Variants in EDRF1 observed in about 807,000 individuals in gnomAD.
EDRF1 encodes the protein erythroid differentiation regulatory factor 1.
Under a neutral mutation model 148.7 loss-of-function variants are expected in EDRF1, and 69 were observed. The ratio of observed to expected loss-of-function variants is 0.46; its 90% CI spans 0.38 to 0.57. The LOEUF is 0.57. Ranked by LOEUF, EDRF1 falls within the 20% of genes least tolerant of loss-of-function variation. The pLI is 0.00. For synonymous variants in EDRF1, 515 were observed against 532.8 expected (o/e 0.97, Z 0.46); for missense variants, 1,118 against 1,478.7 (o/e 0.76, Z 4.00).
At chr10:125,722,325 G>T (rs1460879290) in intron 2 of EDRF1, among the ~76,000 whole-genome samples, 1 of 152,164 alleles carries the variant, frequency 6.6e-6, no homozygotes, top group Non-Finnish European at 1.5e-5. Flanking sequence ...ACAACTCTTT[G>T]AGATAGGCAC....
intron 9 of EDRF1, among the ~76,000 whole-genome samples, chr10:125,732,430 C>G (rs1252584911): frequency 3.3e-5 from 5 of 152,138 alleles, no homozygotes; most frequent in African/African-American, 9.7e-5. Context: ...ATAAAAATGT[C>G]TAGTGAGCAT....
chr10:125,738,922 G>A (rs139742760), intron 15 of EDRF1, among the ~76,000 whole-genome samples: 22 of 152,324 alleles, frequency 1.4e-4, no homozygotes, highest in African/African-American at 4.8e-4. Context: ...AAGCACTATA[G>A]AAGTGTAGGC....
At chr10:125,720,627 A>G (rs1014433952) in intron 1 of EDRF1, among the ~76,000 whole-genome samples, 3 of 152,132 alleles carry the variant, frequency 2.0e-5, no homozygotes, top group Non-Finnish European at 2.9e-5. Context: ...CCTGGCCAAC[A>G]TGGCAAAACC....
In EDRF1 at chr10:125,743,171, A is replaced by G; in HGVS notation, c.2485A>G (p.Asn829Asp). ...ILQFSDLKSQ[N>D]PEHYVQVLKR... The stretch of plus-strand genomic sequence containing the variant: ...GCAGTTTAGTGACTTGAAAAGCCAA[A>G]ATCCAGAACACTATGTACAAGTATT... The change falls in exon 18 of 25, where the codon AAT (asparagine) becomes GAT (aspartate). Residue 829 changes from asparagine to aspartate, a missense_variant. Coordinates refer to ENST00000356792, the MANE Select transcript of EDRF1 (RefSeq NM_001202438.2). The G allele has an allele frequency of 6.2e-7, 1 of 1,613,962 alleles. No homozygotes were observed. Among genetic ancestry groups the G allele is most frequent in the Non-Finnish European group, 8.5e-7 (1 of 1,179,926 alleles).
rs1848130340 is a variant in EDRF1 at position 125,723,910 on chromosome 10, C to G, written c.484C>G (p.Gln162Glu). 2 of 1,613,390 alleles carry G rather than the reference C, an allele frequency of 1.2e-6. No homozygotes were observed. Among genetic ancestry groups the G allele is most frequent in the African/African-American group, 2.7e-5 (2 of 74,840 alleles). The change falls in exon 4 of 25, where the codon CAA (glutamine) becomes GAA (glutamate). Residue 162 changes from glutamine (Q) to glutamate (E), a missense_variant. Coordinates refer to ENST00000356792, the MANE Select transcript of EDRF1 (RefSeq NM_001202438.2). ...TCTCTTACTAGATGAGCTAGATATT[C>G]AAGAACTCTTTATGAGATCGTCTCA... is the stretch of plus-strand genomic sequence containing the variant. ...RTLLLDELDI[Q>E]ELFMRSSQTG...
At chr10:125,733,922 A>G in intron 11 of EDRF1, 150 bp from the exon 12 acceptor site, 1 of 867,620 alleles carries the variant, frequency 1.2e-6, no homozygotes, top group Non-Finnish European at 1.9e-6. Context: ...CATAGTATAA[A>G]CGTTTTGGGG....
intron 9 of EDRF1, among the ~76,000 whole-genome samples, chr10:125,730,834 C>T (rs191583857): frequency 2.1e-3 from 320 of 152,286 alleles, no homozygotes; most frequent in African/African-American, 7.0e-3. Context: ...TTAGAAGACA[C>T]GTATCCCCAT....
Position 125,734,174 on chromosome 10 carries a change from G to A in EDRF1, c.1488G>A (p.Arg496=). The change falls in exon 12 of 25, where the codon AGG becomes AGA. Residue 496 remains arginine, a synonymous_variant. Transcript: ENST00000356792. ...LNCLKLLDKS[R]HPQIIASANY... ...GTCTGAAATTACTGGACAAAAGTAGGCATCCTCAAGTAAGATTAACATTTA... is the reference window on the plus strand; with the variant it reads ...GTCTGAAATTACTGGACAAAAGTAGACATCCTCAAGTAAGATTAACATTTA... 6.2e-7 allele frequency: 1 copy of A among 1,603,028 alleles called. No homozygotes were observed. The highest frequency in any genetic ancestry group is 8.5e-7 in the Non-Finnish European group (1 of 1,170,112).
chr10:125,751,404 G>GTTTTTTTTTTTTTTTTT (rs60964364), intron 22 of EDRF1, among the ~76,000 whole-genome samples: 5 of 140,698 alleles, frequency 3.6e-5, no homozygotes, highest in Non-Finnish European at 4.6e-5. Context: ...TTTACCCAGT[G>GTTTTTTTTTTTTTTTTT]TTTTTTTTTT....
intron 1 of EDRF1, 25 bp from the exon 2 acceptor site, chr10:125,721,179 A>G (rs982088814): frequency 6.2e-7 from 1 of 1,611,238 alleles, no homozygotes; most frequent in Non-Finnish European, 8.5e-7. Flanking sequence ...ATTTTCATTA[A>G]AGTTTCACCC....
intron 4 of EDRF1, 59 bp from the exon 5 acceptor site, chr10:125,725,259 A>C (rs999715618): frequency 3.1e-6 from 5 of 1,601,102 alleles, no homozygotes; most frequent in Non-Finnish European, 4.3e-6. Flanking sequence ...AGCTAGTACT[A>C]GGTAACATTG....
chr10:125,735,710 A>C lies in EDRF1; in HGVS notation c.1564A>C (p.Asn522His), dbSNP rs1395199056. The change falls in exon 13 of 25, where the codon AAT (asparagine) becomes CAT (histidine). Residue 522 changes from asparagine (N) to histidine (H), a missense_variant. Physicochemically the swap from Asn to His is moderately conservative, Grantham distance 68. This residue lies in a region of EDRF1 where 954 missense variants were observed against 1,241.4 expected (regional missense o/e 0.77). Transcript: ENST00000356792. ...FQLDEPKKEENSESPLNENSD... is the reference protein window; with the variant it reads ...FQLDEPKKEEHSESPLNENSD... ...ATTGGATGAACCTAAAAAGGAAGAA[A>C]ATTCAGAATCTCCTTTAAATGAGAA... The C allele has an allele frequency of 6.2e-7, 1 of 1,613,618 alleles. No individual in the cohort carries two copies. The highest frequency in any genetic ancestry group is 1.1e-5 in the South Asian group (1 of 91,064).
chr10:125,750,649 G>A (rs191361309), intron 22 of EDRF1, among the ~76,000 whole-genome samples: 25 of 152,354 alleles, frequency 1.6e-4, no homozygotes, highest in Admixed American at 1.4e-3. Context: ...TCCCTTTGGG[G>A]AGGAAACCTG....
chr10:125,728,073 G>A (rs995603738), intron 6 of EDRF1, among the ~76,000 whole-genome samples: 7 of 151,636 alleles, frequency 4.6e-5, no homozygotes, highest in Admixed American at 3.3e-4. Context: ...ATGGTGGCAC[G>A]TGCCTGTAAT....
At position 125,734,310 on chromosome 10, in the gene EDRF1, CAT is replaced by C. The variant is rs1848627483; in HGVS notation, c.1497+128_1497+129del. ...CTATTCAGTGTGGTAGCCATTAGCA[CAT>C]GTGGCTGTTGATCACTTAAAATGTG... On this transcript the variant is annotated intron_variant, in intron 12 of 24. Coordinates refer to ENST00000356792, the MANE Select transcript of EDRF1 (RefSeq NM_001202438.2). The C allele has an allele frequency of 6.7e-6, 5 of 746,804 alleles. No homozygotes were observed. In the Admixed American group the frequency reaches 1.0e-4, roughly 15 times the overall value. The allele number at this position is 746,804 out of a possible 1,614,324, so 46.3% of individuals were successfully genotyped here. A position where few individuals can be genotyped will look rare whatever the true frequency, so the allele number is the denominator to read the frequency against.
chr10:125,733,745 T>C lies in EDRF1; in HGVS notation c.1385+2T>C, dbSNP rs1431823542. On this transcript the variant is annotated splice_donor_variant, in intron 11 of 24. Transcript: ENST00000356792. LOFTEE classifies it high-confidence loss of function. ...GCCGGTAGCCATTCTCTTGTACAAGTGAGTGCTTTAAGAATTTAAGATGAA... is the reference window on the plus strand; with the variant it reads ...GCCGGTAGCCATTCTCTTGTACAAGCGAGTGCTTTAAGAATTTAAGATGAA... 1 of 1,608,286 alleles carries C rather than the reference T, an allele frequency of 6.2e-7. No individual in the cohort carries two copies. The highest frequency in any genetic ancestry group is 8.5e-7 in the Non-Finnish European group (1 of 1,174,820).
intron 8 of EDRF1, 76 bp downstream of exon 8, chr10:125,729,555 G>A (rs1038089848): frequency 6.3e-7 from 1 of 1,588,106 alleles, no homozygotes; most frequent in Non-Finnish European, 8.6e-7. Flanking sequence ...CCATCAGACT[G>A]AGGTTGCAGT....
intron 6 of EDRF1, among the ~76,000 whole-genome samples, chr10:125,726,879 A>G (rs1393244405): frequency 6.6e-6 from 1 of 152,136 alleles, no homozygotes; most frequent in African/African-American, 2.4e-5. Flanking sequence ...CCCTCCTATT[A>G]CCCATGTCAC....
intron 24 of EDRF1, chr10:125,761,277 G>A: frequency 2.9e-6 from 1 of 349,204 alleles, no homozygotes; most frequent in Non-Finnish European, 5.7e-6. Flanking sequence ...GCATTGACCT[G>A]CTAGAAATTC....
Sources: allele counts gnomAD v4.1 joint callset (sites outside exome capture counted in the v4.1 genomes callset), GRCh38; gene constraint gnomAD v4.1.1; regional missense constraint gnomAD v4.1.1; transcripts MANE v1.5; gene names NCBI Gene and HGNC (gene_info 2026-07-23, HGNC 2026-07-21).